Variants in SPRY4 observed in about 807,000 individuals in gnomAD.
SPRY4 encodes protein sprouty homolog 4.
In SPRY4, 7 loss-of-function variants were observed where a neutral mutation model predicts 17.0. That is an observed-to-expected ratio of 0.41 (90% CI 0.23 to 0.77). The LOEUF (loss-of-function observed/expected upper bound fraction) is 0.77. Among genes scored for constraint, SPRY4 ranks in the 30% least tolerant of loss-of-function variants. The pLI is 0.32. For missense variants in SPRY4, 435 were observed against 419.9 expected, an observed-to-expected ratio of 1.04 and a Z score of -0.31; for synonymous variants, 183 against 174.1, an observed-to-expected ratio of 1.05 and a Z score of -0.40.
Position 142,314,160 on chromosome 5 carries a change from GA to G in SPRY4, c.*48del. 6.4e-7 allele frequency: 1 copy of G among 1,551,952 alleles called. No individual in the cohort carries two copies. The highest frequency in any genetic ancestry group is 8.7e-7 in the Non-Finnish European group (1 of 1,151,424). On this transcript the variant is annotated 3_prime_UTR_variant, in exon 2 of 2. Coordinates refer to ENST00000434127, the MANE Select transcript of SPRY4 (RefSeq NM_001127496.3). The surrounding 1 kb of genome is among the most constrained non-coding windows in gnomAD (Gnocchi z 4.8). ...CTTGCTGCAGTCTTCTTAGATGTCA[GA>G]AGAGAACCAGGTTTCCAGGCAGAGC...
At position 142,312,369 on chromosome 5, in the gene SPRY4, T is replaced by TA. The variant is rs1758953662; in HGVS notation, c.*1839dup. ...TACAAGCTAGCAAATGTTACATAAATAAAGCCGAAAATAATATGACCCTCC... is the reference window on the plus strand; with the variant it reads ...TACAAGCTAGCAAATGTTACATAAATAAAAGCCGAAAATAATATGACCCTCC... On this transcript the variant is annotated 3_prime_UTR_variant, in exon 2 of 2. Transcript: ENST00000434127. 1 of 152,590 alleles carries TA rather than the reference T, an allele frequency of 6.6e-6. No homozygotes were observed. The highest frequency in any genetic ancestry group is 2.1e-4 in the South Asian group (1 of 4,822). 9.5% of individuals were successfully genotyped at this position (152,590 alleles called of 1,614,324 possible). A position where few individuals can be genotyped will look rare whatever the true frequency, so the allele number is the denominator to read the frequency against.
intron 1 of SPRY4, chr5:142,317,441 T>C: frequency 2.0e-6 from 2 of 985,348 alleles, no homozygotes; most frequent in African/African-American, 3.5e-5. Context: ...AATGATAACA[T>C]GAGTCCCTTG....
Position 142,314,639 on chromosome 5 carries a change from A to G in SPRY4, c.470T>C (p.Leu157Ser). 6.2e-7 allele frequency: 1 copy of G among 1,614,228 alleles called. No individual in the cohort carries two copies. The highest frequency in any genetic ancestry group is 8.5e-7 in the Non-Finnish European group (1 of 1,180,032). The change falls in exon 2 of 2, where the codon TTG (leucine) becomes TCG (serine). Residue 157 changes from leucine to serine, a missense_variant. Leu to Ser is a moderately radical substitution (Grantham distance 145). Transcript: ENST00000434127. The surrounding 1 kb of genome is among the most constrained non-coding windows in gnomAD (Gnocchi z 4.8). Reference protein sequence around the residue: ...AVPPELDKHFLLCEACGKCKC... With the variant: ...AVPPELDKHFSLCEACGKCKC... ...ACACTTCCCACAGGCCTCGCACAGC[A>G]AGAAGTGCTTGTCCAGCTCGGGTGG...
chr5:142,323,525 C>T (rs1759422609), intron 1 of SPRY4, among the ~76,000 whole-genome samples: 1 of 152,182 alleles, frequency 6.6e-6, no homozygotes, highest in African/African-American at 2.4e-5. Context: ...TATGGATGCC[C>T]CTCCAGCAGC....
chr5:142,324,137 G>A (rs1477609941), intron 1 of SPRY4: 2 of 152,278 alleles, frequency 1.3e-5, no homozygotes, highest in Non-Finnish European at 2.9e-5. Context: ...CCTTACAGAG[G>A]CCAGGCAAGA....
chr5:142,314,247 C>T lies in SPRY4; in HGVS notation c.862G>A (p.Gly288Arg), dbSNP rs148661341. The T allele has an allele frequency of 3.5e-5, 56 of 1,612,134 alleles. No individual in the cohort carries two copies. In the Middle Eastern group the frequency reaches 4.9e-4, roughly 14 times the overall value. Residue 288 changes from glycine to arginine, a missense_variant, in exon 2 of 2, where the codon GGG becomes AGG. By Grantham distance (125) the Gly-to-Arg change is moderately radical (BLOSUM62 -2). Transcript: ENST00000434127. The surrounding 1 kb of genome is among the most constrained non-coding windows in gnomAD (Gnocchi z 4.8). ...TNSVICKAASGDAKTSRPDKP... is the reference protein window; with the variant it reads ...TNSVICKAASRDAKTSRPDKP... ...TCGGGCCTGCTGGTCTTGGCATCCC[C>T]GCTGGCTGCTTTGCAGATGACGCTG...
In SPRY4 at chr5:142,314,011, A is replaced by C. The variant is rs1441311934; in HGVS notation, c.*198T>G. On this transcript the variant is annotated 3_prime_UTR_variant, in exon 2 of 2. Coordinates refer to ENST00000434127, the MANE Select transcript of SPRY4 (RefSeq NM_001127496.3). This position sits in a 1 kb window ranked among gnomAD's most constrained non-coding sequence, Gnocchi z 4.8. ...TTTCAGGACCCTGAAAAAAAGCCCCAAAGTGCTTCTTCATCACCTTGGGGA... is the reference window on the plus strand; with the variant it reads ...TTTCAGGACCCTGAAAAAAAGCCCCCAAGTGCTTCTTCATCACCTTGGGGA... 6.5e-6 allele frequency: 4 copies of C among 615,702 alleles called. No individual in the cohort carries two copies. The East Asian group carries it at 1.1e-4, about 17-fold the overall frequency. The allele number at this position is 615,702 out of a possible 1,614,324, so 38.1% of individuals were successfully genotyped here. A position where few individuals can be genotyped will look rare whatever the true frequency, so the allele number is the denominator to read the frequency against.
At chr5:142,322,501 T>TAG (rs1759381099) in intron 1 of SPRY4, among the ~76,000 whole-genome samples, 4 of 149,014 alleles carry the variant, frequency 2.7e-5, no homozygotes, top group African/African-American at 9.9e-5. Flanking sequence ...TATATATATA[T>TAG]AAATGAAAAC....
chr5:142,319,880 A>T, intron 1 of SPRY4: 1 of 1,265,972 alleles, frequency 7.9e-7, no homozygotes, highest in Non-Finnish European at 1.1e-6. Flanking sequence ...CCCTTGACTT[A>T]CCCTAGGGAG....
Position 142,314,392 on chromosome 5 carries a change from A to G in SPRY4, c.717T>C (p.Gly239=). 1 of 1,613,970 alleles carries G rather than the reference A, an allele frequency of 6.2e-7. No homozygotes were observed. Among genetic ancestry groups the G allele is most frequent in the South Asian group, 1.1e-5 (1 of 91,058 alleles). ...GGCAGGGCAGCACCACGGAGAGAGCACCCATGAAGGACCAGCGGGCGCAGC... is the reference window on the plus strand; with the variant it reads ...GGCAGGGCAGCACCACGGAGAGAGCGCCCATGAAGGACCAGCGGGCGCAGC... The part of the protein sequence containing the change: ...SNCCARWSFM[G]ALSVVLPCLL... Residue 239 remains glycine (G), a synonymous_variant, in exon 2 of 2, where the codon GGT becomes GGC. Transcript: ENST00000434127. The surrounding 1 kb of genome is among the most constrained non-coding windows in gnomAD (Gnocchi z 4.8).
chr5:142,314,457 A>C lies in SPRY4; in HGVS notation c.652T>G (p.Ser218Ala). ...YHCTNEDDEG[S>A]CADHPCSCSR... ...CAGGAGCAGGGGTGGTCAGCGCAGGAGCCCTCATCGTCCTCATTCGTGCAG... is the reference window on the plus strand; with the variant it reads ...CAGGAGCAGGGGTGGTCAGCGCAGGCGCCCTCATCGTCCTCATTCGTGCAG... Residue 218 changes from serine to alanine, a missense_variant, in exon 2 of 2, where the codon TCC becomes GCC. Physicochemically the swap from Ser to Ala is moderately conservative, Grantham distance 99 (BLOSUM62 1). Coordinates refer to ENST00000434127, the MANE Select transcript of SPRY4 (RefSeq NM_001127496.3). This position sits in a 1 kb window ranked among gnomAD's most constrained non-coding sequence, Gnocchi z 4.8. 1.2e-6 allele frequency: 2 copies of C among 1,614,158 alleles called. No individual in the cohort carries two copies. The highest frequency in any genetic ancestry group is 1.7e-6 in the Non-Finnish European group (2 of 1,180,014).
At chr5:142,322,821 T>C (rs1028629728) in intron 1 of SPRY4, among the ~76,000 whole-genome samples, 18 of 152,330 alleles carry the variant, frequency 1.2e-4, no homozygotes, top group African/African-American at 4.3e-4. Flanking sequence ...ACTGGCCACA[T>C]GGCGTGGTTG....
chr5:142,316,990 C>A, intron 1 of SPRY4: 2 of 985,340 alleles, frequency 2.0e-6, no homozygotes, highest in Non-Finnish European at 2.4e-6. Context: ...GCAGTGCCTG[C>A]CCCCATGTTC....
intron 1 of SPRY4, among the ~76,000 whole-genome samples, chr5:142,319,182 G>A (rs553561911): frequency 2.6e-5 from 4 of 152,280 alleles, no homozygotes; most frequent in African/African-American, 9.6e-5. Flanking sequence ...TCACAACCAT[G>A]GACTCCTCCA....
rs72803906 is a variant in SPRY4, at chr5:142,323,317, C to A, written c.-48+1527G>T. 8.4e-3 allele frequency among the ~76,000 whole-genome samples: 1,287 copies of A among 152,312 alleles called. 10 individuals carry two copies. Among genetic ancestry groups the A allele is most frequent in the Middle Eastern group, 0.027 (8 of 294 alleles). On this transcript the variant is annotated intron_variant, in intron 1 of 1. Transcript: ENST00000434127. ...GCTTGCTCCCGCCCCTCTGCAAGTTCTTTGGCCTCCAGTGTGTCTGGCCTC... is the reference window on the plus strand; with the variant it reads ...GCTTGCTCCCGCCCCTCTGCAAGTTATTTGGCCTCCAGTGTGTCTGGCCTC...
At chr5:142,319,667 A>G in intron 1 of SPRY4, 1 of 1,542,504 alleles carries the variant, frequency 6.5e-7, no homozygotes, top group Admixed American at 1.9e-5. Context: ...TCCCCAGAAC[A>G]CGCGCAACAC....
Position 142,312,653 on chromosome 5 carries a change from T to C in SPRY4, c.*1556A>G, listed in dbSNP as rs927418121. 13 of 152,124 alleles carry C rather than the reference T, an allele frequency of 8.5e-5. No homozygotes were observed. The highest frequency in any genetic ancestry group is 3.1e-4 in the African/African-American group (13 of 41,392). 9.4% of individuals were successfully genotyped at this position (152,124 alleles called of 1,614,324 possible). On this transcript the variant is annotated 3_prime_UTR_variant, in exon 2 of 2. Coordinates refer to ENST00000434127, the MANE Select transcript of SPRY4 (RefSeq NM_001127496.3). ...TCTGACTCAGGCCATGCCCTCTCAT[T>C]AGAGGGGAAAACAAAATACCACACA...
chr5:142,317,935 A>G, intron 1 of SPRY4: 1 of 985,334 alleles, frequency 1.0e-6, no homozygotes. Context: ...GCAGCATCCG[A>G]TGGCTCCACT....
At chr5:142,319,943 G>A in intron 1 of SPRY4, 1 of 702,176 alleles carries the variant, frequency 1.4e-6, no homozygotes, top group Non-Finnish European at 2.2e-6. Context: ...AAAGCTACAG[G>A]TCAGCTAATG....
Sources: gnomAD v4.1 joint callset for allele counts (sites outside exome capture counted in the v4.1 genomes callset) on GRCh38, gnomAD v4.1.1 for gene constraint, Gnocchi (gnomAD v3.1) non-coding constraint, MANE v1.5 for transcripts, NCBI Gene and HGNC (gene_info 2026-07-23, HGNC 2026-07-21) for gene names.